The following TGM5 variants were observed in gnomAD, a reference collection of about 807,000 sequenced individuals.
TGM5 encodes the protein transglutaminase 5, also known as protein-glutamine gamma-glutamyltransferase 5.
In TGM5, 69 loss-of-function variants were observed where a neutral mutation model predicts 77.2. The ratio of observed to expected loss-of-function variants is 0.89; its 90% CI spans 0.74 to 1.09. The LOEUF is 1.09. TGM5 is among the 50% of genes least tolerant of loss of function. The pLI, the probability that TGM5 is intolerant of heterozygous loss-of-function variation, is 0.00. For missense variants in TGM5, 842 were observed against 896.5 expected, an observed-to-expected ratio of 0.94 and a Z score of 0.78; for synonymous variants, 346 against 351.8, an observed-to-expected ratio of 0.98 and a Z score of 0.18.
At chr15:43,233,795 T>C in intron 11 of TGM5, 108 bp from the exon 12 acceptor site, 1 of 1,308,834 alleles carries the variant, frequency 7.6e-7, no homozygotes, top group South Asian at 1.3e-5. Flanking sequence ...CCTCCAAATA[T>C]GCCACTTTGG....
intron 9 of TGM5, 94 bp from the exon 10 acceptor site, chr15:43,235,931 C>G: frequency 6.4e-7 from 1 of 1,552,466 alleles, no homozygotes; most frequent in Non-Finnish European, 8.8e-7. Context: ...TCTCCACCAA[C>G]AACTTCAGGC....
Position 43,233,032 on chromosome 15 carries a change from G to A in TGM5, c.*159C>T. On this transcript the variant is annotated 3_prime_UTR_variant, in exon 13 of 13. Coordinates refer to ENST00000220420, the MANE Select transcript of TGM5 (RefSeq NM_201631.4). ...CCTCATGGAGCTTAAATTTCTAGTG[G>A]AGTCAGGAGAGACAGAAAATGAACA... is the stretch of plus-strand genomic sequence containing the variant. The A allele has an allele frequency of 1.2e-6, 1 of 864,468 alleles. No individual in the cohort carries two copies. Among genetic ancestry groups the A allele is most frequent in the Non-Finnish European group, 1.8e-6 (1 of 568,440 alleles). 53.5% of individuals were successfully genotyped at this position (864,468 alleles called of 1,614,324 possible).
intron 9 of TGM5, 81 bp from the exon 10 acceptor site, chr15:43,235,918 A>G (rs1282556384): frequency 6.3e-7 from 1 of 1,584,334 alleles, no homozygotes. Flanking sequence ...CCCCCACCCA[A>G]TATCTCCACC....
At position 43,252,868 on chromosome 15, in the gene TGM5, GT is replaced by G. The variant is rs767289837; in HGVS notation, c.752del (p.Asn251ThrfsTer12). On this transcript the variant is annotated frameshift_variant, in exon 6 of 13. Transcript: ENST00000220420. LOFTEE classifies it high-confidence loss of function. ...CCACGCTGCCCGTCCACTCCGCAGG[GT>G]TGGCGCCGTCTGTGTAATTCTCACT... ...NWSENYTDGA[N>X]PAEWTGSVAI... 6.2e-6 allele frequency: 10 copies of G among 1,613,816 alleles called. No individual in the cohort carries two copies. Among genetic ancestry groups the G allele is most frequent in the Non-Finnish European group, 8.5e-6 (10 of 1,180,050 alleles).
chr15:43,253,517 C>T lies in TGM5; in HGVS notation c.673G>A (p.Val225Met), dbSNP rs1485257222. The T allele has an allele frequency of 3.1e-6, 5 of 1,612,386 alleles. No individual in the cohort carries two copies. In the Admixed American group the frequency reaches 5.0e-5, roughly 16 times the overall value. Residue 225 changes from valine to methionine, a missense_variant, in exon 5 of 13, where the codon GTG (valine) becomes ATG (methionine). Around this residue, in one of 2 missense-constraint regions of TGM5, gnomAD observed 815 missense variants for 844.6 expected, o/e 0.96. Coordinates refer to ENST00000220420, the MANE Select transcript of TGM5 (RefSeq NM_201631.4). ...RGSPVYVSRVVCAMINSNDDN... is the reference protein window; with the variant it reads ...RGSPVYVSRVMCAMINSNDDN... ...GCCAGGGACCTCACCATGGCACACA[C>T]CACTCTGCTGACGTAGACGGGGCTT...
chr15:43,258,689 G>A (rs1298021240), intron 3 of TGM5, among the ~76,000 whole-genome samples: 5 of 152,336 alleles, frequency 3.3e-5, no homozygotes, highest in African/African-American at 1.2e-4. Flanking sequence ...GAGCTACACA[G>A]TGAGGCTTCC....
chr15:43,256,796 C>T lies in TGM5; in HGVS notation c.437-110G>A, dbSNP rs184442968. The T allele has an allele frequency of 2.3e-3, 1,894 of 834,236 alleles. 13 individuals are homozygous for T. Among genetic ancestry groups the T allele is most frequent in the South Asian group, 2.6e-3 (194 of 74,780 alleles). The allele number at this position is 834,236 out of a possible 1,614,324, so 51.7% of individuals were successfully genotyped here. A position where few individuals can be genotyped will look rare whatever the true frequency, so the allele number is the denominator to read the frequency against. ...ACGGTTCTGGAGCAAGGGCCCCTGG[C>T]GACACCAAGAGGGGCACGAGGCAGT... On this transcript the variant is annotated intron_variant, in intron 3 of 12. Coordinates refer to ENST00000220420, the MANE Select transcript of TGM5 (RefSeq NM_201631.4).
intron 7 of TGM5, chr15:43,239,515 C>CA (rs113369172): frequency 0.073 from 28,492 of 388,096 alleles, 5 homozygotes; most frequent in East Asian, 0.098. Context: ...GATCTCGTCT[C>CA]AAAAAAAAAA....
chr15:43,246,396 C>T (rs767595238), intron 6 of TGM5, among the ~76,000 whole-genome samples: 1 of 152,170 alleles, frequency 6.6e-6, no homozygotes, highest in Non-Finnish European at 1.5e-5. Context: ...CTCAGCCAGG[C>T]ATCAAGGTCA....
rs1435870964 is a variant in TGM5 at position 43,235,587 on chromosome 15, C to T, written c.1596G>A (p.Met532Ile). ...DICFVLLALN[M>I]SSQFKDLKVN... ...CTTTGAGGTCCTTGAACTGGGAGGA[C>T]ATGTTGAGGGCCAGCAGGACAAAGC... Residue 532 changes from methionine to isoleucine, a missense_variant, in exon 10 of 13, where the codon ATG becomes ATA. Met to Ile is a conservative substitution (Grantham distance 10). Transcript: ENST00000220420. The T allele has an allele frequency of 6.2e-7, 1 of 1,614,002 alleles. No individual in the cohort carries two copies. Among genetic ancestry groups the T allele is most frequent in the Non-Finnish European group, 8.5e-7 (1 of 1,180,026 alleles).
intron 1 of TGM5, among the ~76,000 whole-genome samples, chr15:43,262,498 G>A (rs2042796442): frequency 1.3e-5 from 2 of 152,176 alleles, no homozygotes; most frequent in Non-Finnish European, 2.9e-5. Flanking sequence ...AATAGAAGGG[G>A]ACTTCCAGCC....
chr15:43,245,174 A>T (rs2042662186), intron 6 of TGM5, among the ~76,000 whole-genome samples: 1 of 152,076 alleles, frequency 6.6e-6, no homozygotes, highest in Non-Finnish European at 1.5e-5. Flanking sequence ...ATTTTATAAG[A>T]AAATTCAGTG....
chr15:43,259,969 G>A (rs2042772150), intron 3 of TGM5, 83 bp downstream of exon 3: 4 of 1,602,328 alleles, frequency 2.5e-6, no homozygotes, highest in Non-Finnish European at 3.4e-6. Context: ...GCCCGGGAGC[G>A]GGGTCTAGAA....
intron 7 of TGM5, among the ~76,000 whole-genome samples, 192 bp downstream of exon 7, chr15:43,240,660 A>G (rs2042627908): frequency 7.8e-6 from 1 of 127,938 alleles, no homozygotes; most frequent in South Asian, 2.6e-4. Flanking sequence ...CTTTGTTCAG[A>G]TGTCTCCCAG....
rs1328641533 is a variant in TGM5 at position 43,240,942 on chromosome 15, G to T, written c.911C>A (p.Ser304Tyr). 6.2e-7 allele frequency: 1 copy of T among 1,614,146 alleles called. No individual in the cohort carries two copies. Among genetic ancestry groups the T allele is most frequent in the Admixed American group, 1.7e-5 (1 of 60,006 alleles). The part of the protein sequence containing the change: ...IPTRVITNFD[S>Y]GHDTDGNLII... ...CAGGTTTCCATCTGTATCGTGGCCAGAGTCGAAGTTGGTGATCACACGGGT... is the reference window on the plus strand; with the variant it reads ...CAGGTTTCCATCTGTATCGTGGCCATAGTCGAAGTTGGTGATCACACGGGT... Residue 304 changes from serine (S) to tyrosine (Y), a missense_variant, in exon 7 of 13, where the codon TCT (serine) becomes TAT (tyrosine). Around this residue, in one of 2 missense-constraint regions of TGM5, gnomAD observed 815 missense variants for 844.6 expected, o/e 0.96. Transcript: ENST00000220420.
intron 3 of TGM5, among the ~76,000 whole-genome samples, chr15:43,259,065 G>C (rs1486921531): frequency 6.6e-6 from 1 of 152,128 alleles, no homozygotes; most frequent in Non-Finnish European, 1.5e-5. Context: ...GGATAAGGCT[G>C]GGGGAGAAGG....
At chr15:43,252,363 C>A (rs1215987107) in intron 6 of TGM5, among the ~76,000 whole-genome samples, 1 of 152,204 alleles carries the variant, frequency 6.6e-6, no homozygotes, top group Non-Finnish European at 1.5e-5. Context: ...GTCACCCAGA[C>A]TGGAGTGCAG....
intron 1 of TGM5, among the ~76,000 whole-genome samples, chr15:43,264,190 T>G (rs1199008246): frequency 1.3e-5 from 2 of 152,170 alleles, no homozygotes; most frequent in African/African-American, 4.8e-5. Flanking sequence ...CTCATGGGGT[T>G]GTAAAATGGT....
At chr15:43,244,903 A>G (rs995858934) in intron 6 of TGM5, among the ~76,000 whole-genome samples, 2 of 152,138 alleles carry the variant, frequency 1.3e-5, no homozygotes, top group African/African-American at 4.8e-5. Context: ...CTTCACCTCT[A>G]CAAAAAAATA....
Sources: gnomAD v4.1 joint callset for allele counts (sites outside exome capture counted in the v4.1 genomes callset) on GRCh38, gnomAD v4.1.1 for gene constraint, gnomAD v4.1.1 regional missense constraint, MANE v1.5 for transcripts, NCBI Gene and HGNC (gene_info 2026-07-23, HGNC 2026-07-21) for gene names.